The following DUSP10 variants were observed in gnomAD, a reference collection of about 807,000 sequenced individuals.
DUSP10 encodes dual specificity protein phosphatase 10.
In DUSP10, 14 loss-of-function variants were observed where a neutral mutation model predicts 30.8. The ratio of observed to expected loss-of-function variants is 0.46; its 90% CI spans 0.30 to 0.71. The LOEUF (loss-of-function observed/expected upper bound fraction) is 0.71, where lower values mean the gene tolerates loss of function less well. DUSP10 is among the 30% of genes least tolerant of loss of function. The pLI, the probability that DUSP10 is intolerant of heterozygous loss-of-function variation, is 0.08. For synonymous variants in DUSP10, 254 were observed against 250.4 expected (o/e 1.01, Z -0.14); for missense variants, 550 against 619.4 (o/e 0.89, Z 1.19).
rs1463852466 is a variant in DUSP10 at position 221,702,141 on chromosome 1, A to G, written c.*271T>C. 1.2e-5 allele frequency: 5 copies of G among 410,562 alleles called. No individual in the cohort carries two copies. The highest frequency in any genetic ancestry group is 2.2e-5 in the Non-Finnish European group (5 of 227,134). 25.4% of individuals were successfully genotyped at this position (410,562 alleles called of 1,614,324 possible). A position where few individuals can be genotyped will look rare whatever the true frequency, so the allele number is the denominator to read the frequency against. ...AATAGCTTAAAAGGAAAAGGGGGAG[A>G]AACAAGTTGTATTATATTTTTATTG... is the stretch of plus-strand genomic sequence containing the variant. On this transcript the variant is annotated 3_prime_UTR_variant, in exon 4 of 4. Coordinates refer to ENST00000366899, the MANE Select transcript of DUSP10 (RefSeq NM_007207.6). The surrounding 1 kb of genome is among the most constrained non-coding windows in gnomAD (Gnocchi z 4.5).
At chr1:221,718,953 G>T (rs1205439083) in intron 2 of DUSP10, among the ~76,000 whole-genome samples, 1 of 152,234 alleles carries the variant, frequency 6.6e-6, no homozygotes, top group African/African-American at 2.4e-5. Flanking sequence ...AGGAGGGGTG[G>T]GGGAAAGCAG....
At chr1:221,737,457 C>G (rs540738758) in intron 2 of DUSP10, 2 of 985,284 alleles carry the variant, frequency 2.0e-6, no homozygotes, top group African/African-American at 3.5e-5. Flanking sequence ...GTCAACCATA[C>G]AAGAATACAG....
At chr1:221,717,613 A>T (rs1661146794) in intron 2 of DUSP10, among the ~76,000 whole-genome samples, 1 of 152,124 alleles carries the variant, frequency 6.6e-6, no homozygotes, top group South Asian at 2.1e-4. Flanking sequence ...ATATTCAAAC[A>T]CACACACAAA....
chr1:221,726,001 A>G (rs567471915), intron 2 of DUSP10, among the ~76,000 whole-genome samples: 1 of 152,332 alleles, frequency 6.6e-6, no homozygotes, highest in South Asian at 2.1e-4. Flanking sequence ...TCTATCCACC[A>G]AAGAGGTCCA....
chr1:221,713,595 TA>T (rs59663911), intron 2 of DUSP10, among the ~76,000 whole-genome samples: 46,994 of 151,824 alleles, frequency 0.31, 7,481 homozygotes, highest in East Asian at 0.47. Context: ...AGTCATTCTA[TA>T]AAAACTTAGT....
At chr1:221,733,776 G>A (rs770445814) in intron 2 of DUSP10, among the ~76,000 whole-genome samples, 2 of 152,236 alleles carry the variant, frequency 1.3e-5, no homozygotes, top group Non-Finnish European at 2.9e-5. Flanking sequence ...GTTGGTCAAT[G>A]GAAATGCCTA....
chr1:221,701,887 A>G lies in DUSP10; in HGVS notation c.*525T>C, dbSNP rs945391436. 1 of 152,078 alleles carries G rather than the reference A, an allele frequency of 6.6e-6. No individual in the cohort carries two copies. Among genetic ancestry groups the G allele is most frequent in the South Asian group, 2.1e-4 (1 of 4,818 alleles). 9.4% of individuals were successfully genotyped at this position (152,078 alleles called of 1,614,324 possible). A position where few individuals can be genotyped will look rare whatever the true frequency, so the allele number is the denominator to read the frequency against. On this transcript the variant is annotated 3_prime_UTR_variant, in exon 4 of 4. Transcript: ENST00000366899. ...CCTTTTTCTCCTTAAAGAATGCCTG[A>G]AGGATTCTTAGACCACTTAAGCTGC... is the stretch of plus-strand genomic sequence containing the variant.
In DUSP10 at chr1:221,706,220, T is replaced by C. The variant is rs1558115878; in HGVS notation, c.1058A>G (p.Asn353Ser). 5.6e-6 allele frequency: 9 copies of C among 1,614,108 alleles called. No homozygotes were observed. The highest frequency in any genetic ancestry group is 6.8e-6 in the Non-Finnish European group (8 of 1,180,022). ...MQRLNIGYVINVTTHLPLYHY... is the reference protein window; with the variant it reads ...MQRLNIGYVISVTTHLPLYHY... Reference sequence around the variant, plus strand: ...GTAGAGGGGAAGATGAGTGGTGACGTTGATGACGTAGCCGATGTTCAGCCG... The same window carrying C: ...GTAGAGGGGAAGATGAGTGGTGACGCTGATGACGTAGCCGATGTTCAGCCG... Residue 353 changes from asparagine (N) to serine (S), a missense_variant, in exon 3 of 4, where the codon AAC becomes AGC. Coordinates refer to ENST00000366899, the MANE Select transcript of DUSP10 (RefSeq NM_007207.6). This position sits in a 1 kb window ranked among gnomAD's most constrained non-coding sequence, Gnocchi z 4.6.
rs969641296 is a variant in DUSP10, at chr1:221,706,869, C to G, written c.812-403G>C. On this transcript the variant is annotated intron_variant, in intron 2 of 3. Coordinates refer to ENST00000366899, the MANE Select transcript of DUSP10 (RefSeq NM_007207.6). This position sits in a 1 kb window ranked among gnomAD's most constrained non-coding sequence, Gnocchi z 4.6. ...AGCCAAGAAAGGCACAGATGACCTCCTCGGGTGGAATCTCAGCACCACAGG... is the reference window on the plus strand; with the variant it reads ...AGCCAAGAAAGGCACAGATGACCTCGTCGGGTGGAATCTCAGCACCACAGG... Among the ~76,000 whole-genome samples, 1 of 152,154 alleles carries G rather than the reference C, an allele frequency of 6.6e-6. No homozygotes were observed. Among genetic ancestry groups the G allele is most frequent in the South Asian group, 2.1e-4 (1 of 4,826 alleles).
chr1:221,707,869 C>T (rs1027994958), intron 2 of DUSP10, among the ~76,000 whole-genome samples: 3 of 151,974 alleles, frequency 2.0e-5, no homozygotes, highest in East Asian at 1.9e-4. Context: ...GTACAAAAAA[C>T]GAACAATTGT....
chr1:221,723,606 T>C (rs916206780), intron 2 of DUSP10, among the ~76,000 whole-genome samples: 1 of 152,224 alleles, frequency 6.6e-6, no homozygotes, highest in African/African-American at 2.4e-5. Context: ...GGCTTGATAA[T>C]TCACTAGAAT....
intron 2 of DUSP10, among the ~76,000 whole-genome samples, chr1:221,733,024 C>A (rs1661663349): frequency 1.3e-5 from 2 of 152,194 alleles, no homozygotes; most frequent in Non-Finnish European, 2.9e-5. Flanking sequence ...CTTTTTCAAC[C>A]AACTTGGATT....
rs1571835784 is a variant in DUSP10 at position 221,739,352 on chromosome 1, A to C, written c.393T>G (p.Ser131Arg). 6.2e-7 allele frequency: 1 copy of C among 1,614,056 alleles called. No homozygotes were observed. The highest frequency in any genetic ancestry group is 8.5e-7 in the Non-Finnish European group (1 of 1,179,956). The stretch of plus-strand genomic sequence containing the variant: ...TCCCTGACACAGGGCTGCCCACCCC[A>C]CTTGATGGACTTAGAGAGCCTGTAT... ...NENTGSLSPS[S>R]GVGSPVSGTP... The change falls in exon 2 of 4, where the codon AGT (serine) becomes AGG (arginine). Residue 131 changes from serine (S) to arginine (R), a missense_variant. Ser to Arg is a moderately radical substitution (Grantham distance 110). Transcript: ENST00000366899.
chr1:221,734,627 T>C lies in DUSP10; in HGVS notation c.811+4307A>G, dbSNP rs541731606. Among the ~76,000 whole-genome samples the C allele has an allele frequency of 2.6e-5, 4 of 152,318 alleles. No individual in the cohort carries two copies. In the South Asian group the frequency reaches 8.3e-4, roughly 32 times the overall value. On this transcript the variant is annotated intron_variant, in intron 2 of 3. Transcript: ENST00000366899. ...TATTGTTATATCCTCTTTTTGTTAA[T>C]GAGGTAACTAAGGAACTGAAGGATT...
chr1:221,738,460 GA>G (rs1661843354), intron 2 of DUSP10, among the ~76,000 whole-genome samples: 1 of 152,214 alleles, frequency 6.6e-6, no homozygotes, highest in Non-Finnish European at 1.5e-5. Context: ...AGGTGAGAAA[GA>G]GAAAGAATTT....
At chr1:221,704,678 G>A in intron 3 of DUSP10, among the ~76,000 whole-genome samples, 1 of 152,180 alleles carries the variant, frequency 6.6e-6, no homozygotes, top group Non-Finnish European at 1.5e-5. Context: ...AAAGGCCTCA[G>A]GCTTGGGAGT....
At position 221,706,825 on chromosome 1, in the gene DUSP10, T is replaced by C. The variant is rs939064843; in HGVS notation, c.812-359A>G. 6.6e-6 allele frequency among the ~76,000 whole-genome samples: 1 copy of C among 151,992 alleles called. No homozygotes were observed. Among genetic ancestry groups the C allele is most frequent in the African/African-American group, 2.4e-5 (1 of 41,394 alleles). On this transcript the variant is annotated intron_variant, in intron 2 of 3. Transcript: ENST00000366899. This position sits in a 1 kb window ranked among gnomAD's most constrained non-coding sequence, Gnocchi z 4.6. ...AGAGCCATATGCTCAGTGGCCTACATAGAACCCTGTGCTTTGGGAGCCAAG... is the reference window on the plus strand; with the variant it reads ...AGAGCCATATGCTCAGTGGCCTACACAGAACCCTGTGCTTTGGGAGCCAAG...
chr1:221,727,118 C>T (rs764360616), intron 2 of DUSP10, among the ~76,000 whole-genome samples: 1 of 152,134 alleles, frequency 6.6e-6, no homozygotes, highest in Non-Finnish European at 1.5e-5. Context: ...AATCAGAATT[C>T]AAACTCAGCA....
intron 2 of DUSP10, among the ~76,000 whole-genome samples, chr1:221,724,065 G>A (rs564786800): frequency 3.3e-5 from 5 of 152,166 alleles, no homozygotes; most frequent in Admixed American, 6.5e-5. Context: ...CCTAACACTC[G>A]GGGAGTTCCA....
Sources: gnomAD v4.1 joint callset for allele counts (sites outside exome capture counted in the v4.1 genomes callset) on GRCh38, gnomAD v4.1.1 for gene constraint, Gnocchi (gnomAD v3.1) non-coding constraint, MANE v1.5 for transcripts, NCBI Gene and HGNC (gene_info 2026-07-23, HGNC 2026-07-21) for gene names.